The following BTBD16 variants were observed in gnomAD, a reference collection of about 807,000 sequenced individuals.
BTBD16 encodes the protein BTB/POZ domain-containing protein 16.
Under a neutral mutation model 67.4 loss-of-function variants are expected in BTBD16, and 66 were observed. The observed-to-expected ratio is 0.98, with a 90% confidence interval of 0.80 to 1.20. BTBD16 has a LOEUF of 1.20. Ranked by LOEUF, BTBD16 falls within the 50% of genes most tolerant of loss-of-function variation. The pLI is 0.00. For missense variants in BTBD16, 634 were observed against 616.0 expected (o/e 1.03, Z -0.31); for synonymous variants, 242 against 236.4 (o/e 1.02, Z -0.22).
chr10:122,336,439 A>G (rs2096463276), intron 14 of BTBD16, 55 bp from the exon 15 acceptor site: 1 of 1,481,882 alleles, frequency 6.7e-7, no homozygotes, highest in Non-Finnish European at 9.1e-7. Flanking sequence ...AGCTTTCCCT[A>G]ACTCTGGGCC....
chr10:122,324,110 C>G (rs760108254), intron 10 of BTBD16, among the ~76,000 whole-genome samples: 2 of 152,192 alleles, frequency 1.3e-5, no homozygotes, highest in Non-Finnish European at 1.5e-5. Context: ...CTTTCCTGTG[C>G]CCTACCCAAA....
At chr10:122,332,110 T>TC (rs2096456081) in intron 12 of BTBD16, 1 of 227,992 alleles carries the variant, frequency 4.4e-6, no homozygotes, top group Non-Finnish European at 8.6e-6. Context: ...CCTTGGAGCC[T>TC]CCCATGAGGG....
intron 8 of BTBD16, 95 bp from the exon 9 acceptor site, chr10:122,298,909 T>A: frequency 6.6e-7 from 1 of 1,517,352 alleles, no homozygotes; most frequent in Non-Finnish European, 8.9e-7. Flanking sequence ...CTGCAGTGAC[T>A]CTCCCTCTGA....
Position 122,283,905 on chromosome 10 carries a change from C to T in BTBD16, c.222C>T (p.Asp74=), listed in dbSNP as rs1272016637. 10 of 1,613,768 alleles carry T rather than the reference C, an allele frequency of 6.2e-6. No homozygotes were observed. In the East Asian group the frequency reaches 2.2e-4, roughly 36 times the overall value. Residue 74 remains aspartate, a synonymous_variant, in exon 4 of 16, where the codon GAC becomes GAT. Transcript: ENST00000260723. ...KFFFENFKNK[D]IQSGEADVIL... ...TCTTTGAGAATTTCAAGAACAAGGACATCCAAAGTGGGGAAGCAGGTGAGT... is the reference window on the plus strand; with the variant it reads ...TCTTTGAGAATTTCAAGAACAAGGATATCCAAAGTGGGGAAGCAGGTGAGT...
chr10:122,304,655 C>T (rs185819898), intron 9 of BTBD16, among the ~76,000 whole-genome samples: 10 of 150,890 alleles, frequency 6.6e-5, no homozygotes, highest in East Asian at 4.0e-4. Context: ...CCCAGGTTCA[C>T]GCCATTCTCC....
At chr10:122,311,987 G>A (rs1286115188) in intron 10 of BTBD16, among the ~76,000 whole-genome samples, 1 of 152,180 alleles carries the variant, frequency 6.6e-6, no homozygotes, top group Non-Finnish European at 1.5e-5. Context: ...CATTCTCATA[G>A]GATATTTCAT....
chr10:122,282,901 G>A (rs149955013), intron 3 of BTBD16, among the ~76,000 whole-genome samples: 2,224 of 152,314 alleles, frequency 0.015, 61 homozygotes, highest in African/African-American at 0.05. Flanking sequence ...AGAATGAGTA[G>A]GAGCTTAGCA....
intron 15 of BTBD16, among the ~76,000 whole-genome samples, chr10:122,337,275 A>G (rs1471412471): frequency 6.6e-6 from 1 of 152,248 alleles, no homozygotes; most frequent in Non-Finnish European, 1.5e-5. Flanking sequence ...ACCAGACCAG[A>G]TAGATACTCC....
chr10:122,327,949 G>A (rs759584716), intron 10 of BTBD16, among the ~76,000 whole-genome samples: 2 of 152,190 alleles, frequency 1.3e-5, no homozygotes, highest in African/African-American at 2.4e-5. Context: ...AGCTCCAGCC[G>A]GGGCCCACTG....
At chr10:122,313,810 C>T (rs951688700) in intron 10 of BTBD16, among the ~76,000 whole-genome samples, 1 of 152,162 alleles carries the variant, frequency 6.6e-6, no homozygotes, top group Non-Finnish European at 1.5e-5. Flanking sequence ...TGTCTGTCAC[C>T]TTTGTCATAA....
intron 1 of BTBD16, among the ~76,000 whole-genome samples, chr10:122,273,629 T>C (rs1164408579): frequency 6.6e-6 from 1 of 152,102 alleles, no homozygotes; most frequent in African/African-American, 2.4e-5. Context: ...ACACCTGTAG[T>C]CCCAGCTACT....
chr10:122,276,408 G>C (rs1262523788), intron 2 of BTBD16, among the ~76,000 whole-genome samples: 1 of 152,118 alleles, frequency 6.6e-6, no homozygotes. Flanking sequence ...CCTTGCCCAA[G>C]ATCTCCACAG....
chr10:122,284,044 C>T (rs1409478779), intron 4 of BTBD16, 120 bp downstream of exon 4: 5 of 710,224 alleles, frequency 7.0e-6, no homozygotes, highest in Admixed American at 2.4e-5. Flanking sequence ...TTGCAATTCT[C>T]ATCCACTTCC....
At chr10:122,277,715 C>G (rs958738929) in intron 3 of BTBD16, among the ~76,000 whole-genome samples, 1 of 152,046 alleles carries the variant, frequency 6.6e-6, no homozygotes, top group Non-Finnish European at 1.5e-5. Flanking sequence ...AGAGTAAGAA[C>G]CCACCCCTGA....
At chr10:122,314,255 C>T (rs779544034) in intron 10 of BTBD16, among the ~76,000 whole-genome samples, 57 of 152,162 alleles carry the variant, frequency 3.7e-4, no homozygotes, top group Admixed American at 4.6e-4. Context: ...CTCAGTGGCT[C>T]ACACCAGTAA....
chr10:122,287,550 G>C (rs111437495), intron 5 of BTBD16: 1 of 882,592 alleles, frequency 1.1e-6, no homozygotes, highest in African/African-American at 1.8e-5. Flanking sequence ...GGGTCTCCTC[G>C]CAAGTTCCAT....
chr10:122,277,642 A>G (rs1478271565), intron 3 of BTBD16, among the ~76,000 whole-genome samples: 2 of 152,050 alleles, frequency 1.3e-5, no homozygotes, highest in East Asian at 3.9e-4. Flanking sequence ...GCGAGGAAGC[A>G]AGAGAGAGGA....
intron 9 of BTBD16, 106 bp downstream of exon 9, chr10:122,299,240 G>C (rs2096389602): frequency 7.4e-7 from 1 of 1,354,744 alleles, no homozygotes; most frequent in Non-Finnish European, 1.0e-6. Flanking sequence ...CCCACCTTAA[G>C]CTTCCTGCCC....
chr10:122,293,277 G>A (rs2096377300), intron 7 of BTBD16, among the ~76,000 whole-genome samples: 1 of 152,192 alleles, frequency 6.6e-6, no homozygotes, highest in African/African-American at 2.4e-5. Context: ...ATCTCCTGGG[G>A]ATCTTACAGG....
Sources: allele counts gnomAD v4.1 joint callset (sites outside exome capture counted in the v4.1 genomes callset), GRCh38; gene constraint gnomAD v4.1.1; transcripts MANE v1.5; gene names NCBI Gene and HGNC (gene_info 2026-07-23, HGNC 2026-07-21).